PPP1R21: variants seen among roughly 807,000 people sequenced by gnomAD.
The protein encoded by PPP1R21 is KLRAQ motif containing 1.
A neutral mutation model predicts 112.8 loss-of-function variants in PPP1R21; 85 were observed. The ratio of observed to expected loss-of-function variants is 0.75; its 90% CI spans 0.63 to 0.90. The LOEUF (loss-of-function observed/expected upper bound fraction) is 0.90. Ranked by LOEUF, PPP1R21 falls within the 40% of genes least tolerant of loss-of-function variation. The pLI, the probability that PPP1R21 is intolerant of heterozygous loss-of-function variation, is 0.00. For synonymous variants in PPP1R21, 381 were observed against 322.3 expected (o/e 1.18, Z -1.95); for missense variants, 1,199 against 901.5 (o/e 1.33, Z -4.23).
chr2:48,491,691 T>C (rs1669571556), intron 15 of PPP1R21, among the ~76,000 whole-genome samples: 1 of 152,152 alleles, frequency 6.6e-6, no homozygotes, highest in African/African-American at 2.4e-5. Context: ...TATGTTTGAG[T>C]GCACATGCAC....
At chr2:48,513,536 A>T (rs1158118510) in intron 21 of PPP1R21, among the ~76,000 whole-genome samples, 1 of 152,062 alleles carries the variant, frequency 6.6e-6, no homozygotes, top group Non-Finnish European at 1.5e-5. Flanking sequence ...TCTTTTCCTT[A>T]AAATACCAGC....
intron 1 of PPP1R21, among the ~76,000 whole-genome samples, chr2:48,446,118 G>A (rs1199471211): frequency 2.6e-5 from 4 of 152,176 alleles, no homozygotes; most frequent in Admixed American, 2.0e-4. Flanking sequence ...AAAGTCCACT[G>A]CATGAAGACA....
intron 13 of PPP1R21, among the ~76,000 whole-genome samples, chr2:48,483,481 C>T (rs1669129619): frequency 6.6e-6 from 1 of 152,140 alleles, no homozygotes; most frequent in Non-Finnish European, 1.5e-5. Context: ...CTGCACCTGG[C>T]CCAATGTCAA....
intron 11 of PPP1R21, among the ~76,000 whole-genome samples, chr2:48,471,614 C>T (rs1043158118): frequency 4.6e-5 from 7 of 152,124 alleles, no homozygotes; most frequent in South Asian, 2.1e-4. Context: ...CATTATCATC[C>T]CTTTGCAGTT....
At chr2:48,514,094 T>C (rs1670761325) in intron 21 of PPP1R21, among the ~76,000 whole-genome samples, 1 of 46,378 alleles carries the variant, frequency 2.2e-5, no homozygotes, top group Admixed American at 2.1e-4. Flanking sequence ...TTTTTTTTTT[T>C]TTGAGACAGA....
chr2:48,494,151 AG>A (rs1437726521), intron 15 of PPP1R21, among the ~76,000 whole-genome samples: 6 of 140,248 alleles, frequency 4.3e-5, no homozygotes, highest in African/African-American at 1.6e-4. Context: ...AGGCAGGAGG[AG>A]CCCTGGAGTC....
chr2:48,479,774 A>G (rs541518366), intron 12 of PPP1R21, 150 bp from the exon 13 acceptor site: 4 of 645,440 alleles, frequency 6.2e-6, no homozygotes, highest in South Asian at 3.6e-5. Context: ...TATCACCATT[A>G]TGTCTGAATG....
At position 48,469,535 on chromosome 2, in the gene PPP1R21, T is replaced by TATATAGAGAGAGAGAG. The variant is rs1553339307; in HGVS notation, c.898-1551_898-1550insTATAGAGAGAGAGAGA. Among the ~76,000 whole-genome samples, 127 of 73,224 alleles carry TATATAGAGAGAGAGAG rather than the reference T, an allele frequency of 1.7e-3. 22 individuals are homozygous for TATATAGAGAGAGAGAG. Among genetic ancestry groups the TATATAGAGAGAGAGAG allele is most frequent in the South Asian group, 0.016 (33 of 2,124 alleles). 48.0% of individuals were successfully genotyped at this position (73,224 alleles called of 152,430 possible). A position where few individuals can be genotyped will look rare whatever the true frequency, so the allele number is the denominator to read the frequency against. ...ATATATATATATATATATATATATA[T>TATATAGAGAGAGAGAG]AGAGCATATATATATATAGAGAGAG... On this transcript the variant is annotated intron_variant, in intron 9 of 21. Transcript: ENST00000294952.
intron 14 of PPP1R21, among the ~76,000 whole-genome samples, chr2:48,489,903 G>A (rs1410783363): frequency 6.6e-6 from 1 of 152,062 alleles, no homozygotes; most frequent in Non-Finnish European, 1.5e-5. Context: ...AATTAGCTGG[G>A]ACGTGGTGGT....
intron 16 of PPP1R21, 150 bp from the exon 17 acceptor site, chr2:48,498,343 A>G (rs1017110834): frequency 1.5e-6 from 1 of 688,766 alleles, no homozygotes; most frequent in Non-Finnish European, 2.4e-6. Flanking sequence ...ATCATGTCTA[A>G]TAAATCTCTT....
chr2:48,451,523 T>C (rs1380281094), intron 2 of PPP1R21, among the ~76,000 whole-genome samples: 1 of 152,232 alleles, frequency 6.6e-6, no homozygotes, highest in Non-Finnish European at 1.5e-5. Context: ...AGTTGAGTTA[T>C]TTAATAGTAA....
rs1670561910 is a variant in PPP1R21 at position 48,510,023 on chromosome 2, A to G, written c.2094A>G (p.Ala698=). 1 of 1,612,406 alleles carries G rather than the reference A, an allele frequency of 6.2e-7. No homozygotes were observed. Among genetic ancestry groups the G allele is most frequent in the Admixed American group, 1.7e-5 (1 of 59,836 alleles). ...GTTTTCTGATTTTACAGTGCCGAGC[A>G]CTGTCTAAAAGACTGGCCTTGGCTG... The part of the protein sequence containing the change: ...KSVHFYAECR[A]LSKRLALAEK... Residue 698 remains alanine, a synonymous_variant, in exon 20 of 22, where the codon GCA becomes GCG. Transcript: ENST00000294952.
chr2:48,466,795 G>A (rs1668224097), intron 9 of PPP1R21, among the ~76,000 whole-genome samples: 2 of 152,264 alleles, frequency 1.3e-5, no homozygotes, highest in African/African-American at 2.4e-5. Flanking sequence ...GGTGAGGCAT[G>A]GGGAGGGAAT....
At chr2:48,484,455 A>C (rs1296638000) in intron 13 of PPP1R21, among the ~76,000 whole-genome samples, 1 of 152,196 alleles carries the variant, frequency 6.6e-6, no homozygotes, top group African/African-American at 2.4e-5. Context: ...TTGGAGTTAA[A>C]ATTTAATGTC....
intron 8 of PPP1R21, 99 bp from the exon 9 acceptor site, chr2:48,465,394 C>T: frequency 1.9e-6 from 2 of 1,076,618 alleles, no homozygotes; most frequent in Non-Finnish European, 1.3e-6. Flanking sequence ...GGAATAATCA[C>T]ACTAGGATTC....
At chr2:48,489,281 T>C (rs996325060) in intron 14 of PPP1R21, among the ~76,000 whole-genome samples, 4 of 151,990 alleles carry the variant, frequency 2.6e-5, no homozygotes, top group Non-Finnish European at 5.9e-5. Flanking sequence ...GGAGTATTTA[T>C]TGCTTGAGCC....
At chr2:48,443,587 C>G (rs369619401) in intron 1 of PPP1R21, among the ~76,000 whole-genome samples, 2 of 152,178 alleles carry the variant, frequency 1.3e-5, no homozygotes, top group East Asian at 3.9e-4. Context: ...GGAGGCCTGC[C>G]AGACTTGGGG....
intron 9 of PPP1R21, among the ~76,000 whole-genome samples, chr2:48,466,439 C>G (rs538834544): frequency 3.0e-4 from 45 of 151,854 alleles, no homozygotes; most frequent in African/African-American, 9.7e-4. Flanking sequence ...GTTGGCCAGG[C>G]TGGTCTTGAA....
chr2:48,483,919 C>G (rs1308054678), intron 13 of PPP1R21, among the ~76,000 whole-genome samples: 2 of 151,982 alleles, frequency 1.3e-5, no homozygotes, highest in East Asian at 1.9e-4. Flanking sequence ...AACTCCTGGA[C>G]TCAAGTGATC....
Sources: gnomAD v4.1 joint callset for allele counts (sites outside exome capture counted in the v4.1 genomes callset) on GRCh38, gnomAD v4.1.1 for gene constraint, MANE v1.5 for transcripts, NCBI Gene and HGNC (gene_info 2026-07-23, HGNC 2026-07-21) for gene names.